Variants in ICA1 observed in about 807,000 individuals in gnomAD.
The protein encoded by ICA1 is 69 kDa islet cell autoantigen.
Under a neutral mutation model 71.0 loss-of-function variants are expected in ICA1, and 40 were observed. That is an observed-to-expected ratio of 0.56 (90% CI 0.44 to 0.73). The LOEUF is 0.73. Among genes scored for constraint, ICA1 ranks in the 30% least tolerant of loss-of-function variants. ICA1 has a pLI of 0.00. For synonymous variants in ICA1, 207 were observed against 209.5 expected (o/e 0.99, Z 0.10); for missense variants, 578 against 576.5 (o/e 1.00, Z -0.03).
chr7:8,127,273 T>C (rs1241684444), intron 13 of ICA1, among the ~76,000 whole-genome samples: 1 of 151,932 alleles, frequency 6.6e-6, no homozygotes, highest in Non-Finnish European at 1.5e-5. Flanking sequence ...ATTACAGGCA[T>C]GAGCCACCAT....
At chr7:8,160,605 G>C (rs1803399946) in intron 6 of ICA1, among the ~76,000 whole-genome samples, 1 of 152,232 alleles carries the variant, frequency 6.6e-6, no homozygotes, top group Admixed American at 6.5e-5. Context: ...GCAGTACATT[G>C]AACACTACAC....
At chr7:8,174,700 C>T (rs1188339643) in intron 6 of ICA1, among the ~76,000 whole-genome samples, 2 of 135,792 alleles carry the variant, frequency 1.5e-5, no homozygotes, top group Admixed American at 8.2e-5. Context: ...GAGGCTGAGG[C>T]GGGAGGATCA....
At chr7:8,220,807 G>A (rs3779361) in intron 5 of ICA1, among the ~76,000 whole-genome samples, 61,508 of 151,908 alleles carry the variant, frequency 0.4, 14,706 homozygotes, top group African/African-American at 0.68. Flanking sequence ...ACACACTCCC[G>A]GGTTATGGTC....
intron 6 of ICA1, among the ~76,000 whole-genome samples, chr7:8,168,036 G>C (rs56219591): frequency 0.41 from 62,014 of 151,898 alleles, 14,905 homozygotes; most frequent in South Asian, 0.56. Context: ...AAGAGGGAGA[G>C]AGAGAGAGAG....
At chr7:8,152,811 AC>A in intron 8 of ICA1, among the ~76,000 whole-genome samples, 1 of 150,414 alleles carries the variant, frequency 6.6e-6, no homozygotes, top group African/African-American at 2.4e-5. Context: ...CACCACCACC[AC>A]CATCTCCTTC....
At chr7:8,189,465 G>C (rs1454054002) in intron 6 of ICA1, among the ~76,000 whole-genome samples, 2 of 152,300 alleles carry the variant, frequency 1.3e-5, no homozygotes, top group East Asian at 1.9e-4. Context: ...CTCTGCTAGG[G>C]GCATGAAGAC....
intron 1 of ICA1, among the ~76,000 whole-genome samples, chr7:8,247,352 CA>C (rs1806419967): frequency 6.6e-6 from 1 of 152,028 alleles, no homozygotes; most frequent in South Asian, 2.1e-4. Context: ...CCCAGCTACT[CA>C]GGAGGCTGAC....
chr7:8,197,919 G>A (rs1788250212), intron 6 of ICA1, among the ~76,000 whole-genome samples: 1 of 152,154 alleles, frequency 6.6e-6, no homozygotes, highest in African/African-American at 2.4e-5. Flanking sequence ...GTGATAGGAT[G>A]GAATGGATGT....
rs974525094 is a variant in ICA1, at chr7:8,221,190, C to G, written c.380+85G>C. The G allele has an allele frequency of 1.4e-5, 22 of 1,551,136 alleles. No individual in the cohort carries two copies. In the South Asian group the frequency reaches 2.4e-4, roughly 17 times the overall value. On this transcript the variant is annotated intron_variant, in intron 5 of 13. Coordinates refer to ENST00000402384, the MANE Select transcript of ICA1 (RefSeq NM_001136020.3). ...CCTCAGGCAAAATCCTTCTAAAGAA[C>G]ACTGTGAGATTCCCTTTCGTGAGTA...
intron 3 of ICA1, among the ~76,000 whole-genome samples, chr7:8,231,538 G>C (rs1367395450): frequency 6.6e-6 from 1 of 152,104 alleles, no homozygotes; most frequent in Admixed American, 6.6e-5. Flanking sequence ...GTAATAAGTA[G>C]GTATTAATAT....
upstream of ICA1, chr7:8,262,498 G>A (rs935154356): frequency 1.3e-5 from 2 of 152,160 alleles, no homozygotes; most frequent in Non-Finnish European, 2.9e-5. Flanking sequence ...ACTCCCCGGG[G>A]TCTCTCCTCG....
rs1401153501 is a variant in ICA1, at chr7:8,222,884, G to A, written c.257-1486C>T. ...GGCATGTGTCTCTCTTCCCCAGGGG[G>A]CTCTAAGCTTTCCAAGACAGGGATC... On this transcript the variant is annotated intron_variant, in intron 4 of 13. Coordinates refer to ENST00000402384, the MANE Select transcript of ICA1 (RefSeq NM_001136020.3). This position sits in a 1 kb window ranked among gnomAD's most constrained non-coding sequence, Gnocchi z 4.8. Among the ~76,000 whole-genome samples the A allele has an allele frequency of 6.6e-6, 1 of 152,144 alleles. No homozygotes were observed. Among genetic ancestry groups the A allele is most frequent in the Non-Finnish European group, 1.5e-5 (1 of 68,014 alleles).
intron 1 of ICA1, among the ~76,000 whole-genome samples, chr7:8,256,255 A>G (rs1810124245): frequency 6.6e-6 from 1 of 152,138 alleles, no homozygotes; most frequent in South Asian, 2.1e-4. Flanking sequence ...TGCAAATCAA[A>G]TTTTTCCACT....
chr7:8,141,836 T>C lies in ICA1; in HGVS notation c.903-19A>G. The C allele has an allele frequency of 1.3e-6, 2 of 1,525,162 alleles. No individual in the cohort carries two copies. The highest frequency in any genetic ancestry group is 3.5e-5 in the Admixed American group (2 of 56,784). 94.5% of individuals were successfully genotyped at this position (1,525,162 alleles called of 1,614,324 possible). ...AATTAATCTTAAAATAAAAAAGAGG[T>C]TTAGTCATCAACTTCTACCAATGTT... On this transcript the variant is annotated intron_variant, in intron 9 of 13. Transcript: ENST00000402384.
chr7:8,131,181 C>T (rs4720763), intron 12 of ICA1, among the ~76,000 whole-genome samples: 68,821 of 152,066 alleles, frequency 0.45, 16,206 homozygotes, highest in East Asian at 0.58. Context: ...GAAGTCAACA[C>T]ATAGAGGGAA....
rs575593170 is a variant in ICA1, at chr7:8,259,170, T to C, written c.-80+2924A>G. ...GAGAAATAACAGGTTACAGCATTGC[T>C]TCTCAAATGTTAACATACTCATGGA... On this transcript the variant is annotated intron_variant, in intron 1 of 13. Coordinates refer to ENST00000402384, the MANE Select transcript of ICA1 (RefSeq NM_001136020.3). 1.2e-4 allele frequency among the ~76,000 whole-genome samples: 19 copies of C among 152,346 alleles called. No homozygotes were observed. In the South Asian group the frequency reaches 3.9e-3, roughly 32 times the overall value.
In ICA1 at chr7:8,172,893, C is replaced by G. The variant is rs79101982; in HGVS notation, c.580-14241G>C. Among the ~76,000 whole-genome samples, 1,173 of 152,262 alleles carry G rather than the reference C, an allele frequency of 7.7e-3. 12 individuals carry two copies. The highest frequency in any genetic ancestry group is 0.014 in the Middle Eastern group (4 of 294). On this transcript the variant is annotated intron_variant, in intron 6 of 13. Coordinates refer to ENST00000402384, the MANE Select transcript of ICA1 (RefSeq NM_001136020.3). The stretch of plus-strand genomic sequence containing the variant: ...GACATAATTCATCTTAGTCTGGTGA[C>G]TAAATGTATTTAAATATAACTAGCA...
intron 6 of ICA1, among the ~76,000 whole-genome samples, chr7:8,161,566 C>T (rs1370078043): frequency 6.6e-6 from 1 of 152,180 alleles, no homozygotes; most frequent in Non-Finnish European, 1.5e-5. Context: ...CAATGCCAGC[C>T]TGTTTCCACT....
chr7:8,219,526 T>C (rs1349659415), intron 5 of ICA1, among the ~76,000 whole-genome samples: 3 of 152,230 alleles, frequency 2.0e-5, no homozygotes, highest in Non-Finnish European at 4.4e-5. Flanking sequence ...CTTTTACTAT[T>C]TCCCCTAGTT....
Sources: allele counts gnomAD v4.1 joint callset (sites outside exome capture counted in the v4.1 genomes callset), GRCh38; gene constraint gnomAD v4.1.1; non-coding constraint Gnocchi (gnomAD v3.1); transcripts MANE v1.5; gene names NCBI Gene and HGNC (gene_info 2026-07-23, HGNC 2026-07-21).